The following ITGA2 variants were observed in gnomAD, a reference collection of about 807,000 sequenced individuals.
The protein encoded by ITGA2 is integrin alpha-2.
ITGA2 carries 101 observed loss-of-function variants against 146.3 expected under a neutral mutation model. The ratio of observed to expected loss-of-function variants is 0.69; its 90% CI spans 0.59 to 0.81. The LOEUF (loss-of-function observed/expected upper bound fraction) is 0.81. ITGA2 is among the 40% of genes least tolerant of loss of function. The probability of loss-of-function intolerance (pLI) is 0.00; values close to 1 mark genes in which losing one functional copy is unlikely to be tolerated. For synonymous variants in ITGA2, 477 were observed against 487.1 expected, an observed-to-expected ratio of 0.98 and a Z score of 0.27; for missense variants, 1,281 against 1,402.7, an observed-to-expected ratio of 0.91 and a Z score of 1.39.
At chr5:53,085,328 G>A (rs987823076) in intron 27 of ITGA2, among the ~76,000 whole-genome samples, 1 of 152,172 alleles carries the variant, frequency 6.6e-6, no homozygotes, top group African/African-American at 2.4e-5. Flanking sequence ...CATTTGTAGG[G>A]AGAAGCCTTG....
At chr5:53,029,843 A>G (rs1315663900) in intron 2 of ITGA2, among the ~76,000 whole-genome samples, 4 of 152,210 alleles carry the variant, frequency 2.6e-5, no homozygotes, top group Non-Finnish European at 5.9e-5. Context: ...CCCAAGTGCT[A>G]TACAAAGTGA....
At chr5:53,052,982 G>A (rs1561125654) in intron 7 of ITGA2, among the ~76,000 whole-genome samples, 1 of 152,000 alleles carries the variant, frequency 6.6e-6, no homozygotes, top group Non-Finnish European at 1.5e-5. Context: ...TGGAGTGTTG[G>A]CTCACTTACC....
chr5:53,075,410 G>T, intron 23 of ITGA2, 106 bp downstream of exon 23: 7 of 866,650 alleles, frequency 8.1e-6, no homozygotes, highest in Admixed American at 3.9e-5. Context: ...CTTAACTGAA[G>T]AATTTGAATT....
At position 53,072,670 on chromosome 5, in the gene ITGA2, G is replaced by C. The variant is rs1239945104; in HGVS notation, c.2404G>C (p.Asp802His). ...ACTTTGCATTTCTGATCTAGTCCTA[G>C]ATGTCCGACAAATACCAGCTGCTCA... ...DGLCISDLVLDVRQIPAAQEQ... is the reference protein window; with the variant it reads ...DGLCISDLVLHVRQIPAAQEQ... The change falls in exon 19 of 30, where the codon GAT becomes CAT. Residue 802 changes from aspartate (D) to histidine (H), a missense_variant. Coordinates refer to ENST00000296585, the MANE Select transcript of ITGA2 (RefSeq NM_002203.4). 6.2e-7 allele frequency: 1 copy of C among 1,610,108 alleles called. No homozygotes were observed. Among genetic ancestry groups the C allele is most frequent in the African/African-American group, 1.3e-5 (1 of 74,338 alleles).
At chr5:53,075,734 T>A (rs1391245240) in intron 23 of ITGA2, among the ~76,000 whole-genome samples, 1 of 152,008 alleles carries the variant, frequency 6.6e-6, no homozygotes, top group African/African-American at 2.4e-5. Flanking sequence ...AGCACAATGT[T>A]TTGCACAGAG....
rs779292024 is a variant in ITGA2, at chr5:53,048,781, C to A, written c.630+11C>A. On this transcript the variant is annotated intron_variant, in intron 6 of 29. Coordinates refer to ENST00000296585, the MANE Select transcript of ITGA2 (RefSeq NM_002203.4). ...CCCACAAAGACACAGGTATGGCTAA[C>A]AGAAATGCATAACTAACTTATGGCT... The A allele has an allele frequency of 1.9e-6, 3 of 1,613,228 alleles. No individual in the cohort carries two copies. Among genetic ancestry groups the A allele is most frequent in the Admixed American group, 3.3e-5 (2 of 59,984 alleles).
intron 1 of ITGA2, among the ~76,000 whole-genome samples, chr5:52,995,848 C>G (rs1741216697): frequency 6.6e-6 from 1 of 152,110 alleles, no homozygotes; most frequent in Non-Finnish European, 1.5e-5. Flanking sequence ...GCTCAAGGAA[C>G]TGCTTTAGAG....
chr5:53,050,936 GT>G (rs1744330023), intron 6 of ITGA2, among the ~76,000 whole-genome samples: 1 of 152,070 alleles, frequency 6.6e-6, no homozygotes, highest in South Asian at 2.1e-4. Context: ...GAGCACATTG[GT>G]TTTTGTTGTA....
chr5:53,044,275 A>C (rs1257856858), intron 3 of ITGA2, among the ~76,000 whole-genome samples: 1 of 12,466 alleles, frequency 8.0e-5, no homozygotes, highest in African/African-American at 1.8e-4. Flanking sequence ...ACTCTGTCTC[A>C]AAAAAAAAAA....
intron 2 of ITGA2, among the ~76,000 whole-genome samples, chr5:53,040,462 G>A (rs550447833): frequency 8.5e-5 from 13 of 152,228 alleles, no homozygotes; most frequent in African/African-American, 3.1e-4. Context: ...TCAAACACGC[G>A]TTCCAATTCT....
intron 1 of ITGA2, among the ~76,000 whole-genome samples, chr5:53,020,994 T>G (rs1472207576): frequency 6.6e-6 from 1 of 151,990 alleles, no homozygotes; most frequent in Non-Finnish European, 1.5e-5. Context: ...CGTGCCGGCC[T>G]TTTTATCTTG....
Position 53,056,117 on chromosome 5 carries a change from G to A in ITGA2, c.1064G>A (p.Gly355Glu), listed in dbSNP as rs1236051838. The A allele has an allele frequency of 6.2e-7, 1 of 1,611,606 alleles. No individual in the cohort carries two copies. The highest frequency in any genetic ancestry group is 8.5e-7 in the Non-Finnish European group (1 of 1,178,654). Residue 355 changes from glycine to glutamate, a missense_variant, in exon 9 of 30, where the codon GGG becomes GAG. Around this residue, in one of 3 missense-constraint regions of ITGA2, gnomAD observed 795 missense variants for 841.7 expected, o/e 0.94. Transcript: ENST00000296585. ...GAAGCAGCTCTACTAGAAAAGGCTG[G>A]GACATTAGGAGAACAAATTTTCAGC... Reference protein sequence around the residue: ...SDEAALLEKAGTLGEQIFSIE... With the variant: ...SDEAALLEKAETLGEQIFSIE...
chr5:53,057,892 T>G (rs1744713880), intron 9 of ITGA2, 133 bp from the exon 10 acceptor site: 3 of 684,564 alleles, frequency 4.4e-6, no homozygotes, highest in African/African-American at 1.8e-5. Flanking sequence ...TCTGTATTTT[T>G]GGGTGAGTAT....
intron 1 of ITGA2, among the ~76,000 whole-genome samples, chr5:53,014,224 T>G (rs1357434697): frequency 1.3e-5 from 2 of 152,148 alleles, no homozygotes; most frequent in African/African-American, 4.8e-5. Flanking sequence ...CAGTATGATG[T>G]TGGCTGTGGG....
At position 53,072,666 on chromosome 5, in the gene ITGA2, C is replaced by G; in HGVS notation, c.2400C>G (p.Val800=). Residue 800 remains valine (V), a synonymous_variant, in exon 19 of 30, where the codon GTC becomes GTG. Coordinates refer to ENST00000296585, the MANE Select transcript of ITGA2 (RefSeq NM_002203.4). ...ACGGACTTTGCATTTCTGATCTAGTCCTAGATGTCCGACAAATACCAGCTG... is the reference window on the plus strand; with the variant it reads ...ACGGACTTTGCATTTCTGATCTAGTGCTAGATGTCCGACAAATACCAGCTG... ...GEDGLCISDL[V]LDVRQIPAAQ... The G allele has an allele frequency of 1.1e-5, 17 of 1,610,292 alleles. No individual in the cohort carries two copies. The highest frequency in any genetic ancestry group is 2.2e-5 in the South Asian group (2 of 90,852).
rs1006522185 is a variant in ITGA2, at chr5:53,073,383, G to A, written c.2571+124G>A. ...CCTCAACATGATCAATCTGAACTTTGTGGCTTCCGACTAGTTAAACTGCAT... is the reference window on the plus strand; with the variant it reads ...CCTCAACATGATCAATCTGAACTTTATGGCTTCCGACTAGTTAAACTGCAT... On this transcript the variant is annotated intron_variant, in intron 20 of 29. Transcript: ENST00000296585. The A allele has an allele frequency of 2.4e-5, 26 of 1,067,738 alleles. No individual in the cohort carries two copies. The African/African-American group carries it at 3.9e-4, about 16-fold the overall frequency. 66.1% of individuals were successfully genotyped at this position (1,067,738 alleles called of 1,614,324 possible). A position where few individuals can be genotyped will look rare whatever the true frequency, so the allele number is the denominator to read the frequency against.
intron 1 of ITGA2, among the ~76,000 whole-genome samples, chr5:53,020,723 C>T (rs1320497231): frequency 1.3e-5 from 2 of 151,306 alleles, no homozygotes; most frequent in East Asian, 3.9e-4. Flanking sequence ...ACTCTGTCAC[C>T]CAGGCTGGAG....
intron 2 of ITGA2, among the ~76,000 whole-genome samples, chr5:53,040,080 T>A (rs1444404914): frequency 2.0e-5 from 3 of 151,938 alleles, no homozygotes; most frequent in African/African-American, 7.3e-5. Context: ...CTAGAGGAAG[T>A]GGTGTCAAAC....
At chr5:53,052,739 A>T (rs1744436039) in intron 7 of ITGA2, among the ~76,000 whole-genome samples, 1 of 152,068 alleles carries the variant, frequency 6.6e-6, no homozygotes, top group African/African-American at 2.4e-5. Context: ...CCATGACACC[A>T]CAAACTTCTC....
Sources: allele counts gnomAD v4.1 joint callset (sites outside exome capture counted in the v4.1 genomes callset), GRCh38; gene constraint gnomAD v4.1.1; regional missense constraint gnomAD v4.1.1; transcripts MANE v1.5; gene names NCBI Gene and HGNC (gene_info 2026-07-23, HGNC 2026-07-21).